ZFP14: variants seen among roughly 807,000 people sequenced by gnomAD.
The protein encoded by ZFP14 is zinc finger protein 14 homolog.
A neutral mutation model predicts 54.5 loss-of-function variants in ZFP14; 22 were observed. The ratio of observed to expected loss-of-function variants is 0.40; its 90% CI spans 0.29 to 0.58. The LOEUF (loss-of-function observed/expected upper bound fraction) is 0.58. Among genes scored for constraint, ZFP14 ranks in the 20% least tolerant of loss-of-function variants. The probability of loss-of-function intolerance (pLI) is 0.39; values close to 1 mark genes in which losing one functional copy is unlikely to be tolerated. For missense variants in ZFP14, 470 were observed against 637.8 expected, an observed-to-expected ratio of 0.74 and a Z score of 2.83; for synonymous variants, 159 against 204.0, an observed-to-expected ratio of 0.78 and a Z score of 1.88.
At chr19:36,342,583 A>C (rs990137650) in intron 4 of ZFP14, among the ~76,000 whole-genome samples, 2 of 121,728 alleles carry the variant, frequency 1.6e-5, no homozygotes, top group Non-Finnish European at 3.6e-5. Context: ...CATGTGTATT[A>C]AAATGCACAA....
At chr19:36,353,697 CAAAAAA>C (rs35323856) in intron 4 of ZFP14, among the ~76,000 whole-genome samples, 2 of 80,850 alleles carry the variant, frequency 2.5e-5, no homozygotes, top group Non-Finnish European at 4.9e-5. Context: ...GACTCCATCT[CAAAAAA>C]AAAAAAAAAA....
In ZFP14 at chr19:36,349,231, C is replaced by CAAAAAAAAAAAAA. The variant is rs1308523351; in HGVS notation, c.236-7642_236-7641insTTTTTTTTTTTTT. Among the ~76,000 whole-genome samples the CAAAAAAAAAAAAA allele has an allele frequency of 1.9e-3, 8 of 4,256 alleles. 2 individuals carry two copies. The highest frequency in any genetic ancestry group is 3.3e-3 in the Non-Finnish European group (8 of 2,446). 2.8% of individuals were successfully genotyped at this position (4,256 alleles called of 152,430 possible). A position where few individuals can be genotyped will look rare whatever the true frequency, so the allele number is the denominator to read the frequency against. On this transcript the variant is annotated intron_variant, in intron 4 of 4. Transcript: ENST00000270001. The stretch of plus-strand genomic sequence containing the variant: ...GGGCTATAAGAGGGGAACTCTGTCT[C>CAAAAAAAAAAAAA]AAAAAAAAAAACAAAAAAAAAAAAA...
chr19:36,349,680 A>AT (rs1229719873), intron 4 of ZFP14, among the ~76,000 whole-genome samples: 73 of 136,846 alleles, frequency 5.3e-4, no homozygotes, highest in Middle Eastern at 3.9e-3. Context: ...ACAAAAAAAA[A>AT]ATATATATAT....
intron 1 of ZFP14, among the ~76,000 whole-genome samples, chr19:36,374,112 A>G (rs2031922534): frequency 1.3e-5 from 2 of 152,312 alleles, no homozygotes; most frequent in South Asian, 4.1e-4. Context: ...ATTTAGAGCT[A>G]TGTGAAGCAG....
At chr19:36,345,652 A>C (rs2031401179) in intron 4 of ZFP14, among the ~76,000 whole-genome samples, 1 of 152,222 alleles carries the variant, frequency 6.6e-6, no homozygotes, top group Non-Finnish European at 1.5e-5. Context: ...TGGTGAAATG[A>C]CCCAAAGAAT....
At chr19:36,363,342 C>T (rs2031741010) in intron 2 of ZFP14, among the ~76,000 whole-genome samples, 1 of 151,806 alleles carries the variant, frequency 6.6e-6, no homozygotes, top group South Asian at 2.1e-4. Flanking sequence ...TACACGCATC[C>T]GCCACCACGC....
At chr19:36,368,427 C>T (rs746345438) in intron 1 of ZFP14, among the ~76,000 whole-genome samples, 1 of 152,142 alleles carries the variant, frequency 6.6e-6, no homozygotes, top group Non-Finnish European at 1.5e-5. Context: ...GAGATTGCGC[C>T]ATTACACTCC....
At chr19:36,345,786 G>C (rs1482190177) in intron 4 of ZFP14, among the ~76,000 whole-genome samples, 1 of 151,954 alleles carries the variant, frequency 6.6e-6, no homozygotes, top group African/African-American at 2.4e-5. Context: ...ATACATTATA[G>C]AGAACCTATG....
chr19:36,378,106 G>A lies in ZFP14; in HGVS notation c.-80+1057C>T, dbSNP rs1243381242. Reference sequence around the variant, plus strand: ...TTGGAATAGAATGGACGAGAGAGACGAGAAAAGCTCTTTCGTAAACGGTTG... The same window carrying A: ...TTGGAATAGAATGGACGAGAGAGACAAGAAAAGCTCTTTCGTAAACGGTTG... On this transcript the variant is annotated intron_variant, in intron 1 of 4. Transcript: ENST00000270001. 2.0e-5 allele frequency: 3 copies of A among 152,168 alleles called. No individual in the cohort carries two copies. In the East Asian group the frequency reaches 5.8e-4, roughly 29 times the overall value. 9.4% of individuals were successfully genotyped at this position (152,168 alleles called of 1,614,324 possible). A position where few individuals can be genotyped will look rare whatever the true frequency, so the allele number is the denominator to read the frequency against.
chr19:36,360,378 CA>C, intron 4 of ZFP14, 56 bp downstream of exon 4: 1 of 1,502,644 alleles, frequency 6.7e-7, no homozygotes, highest in Non-Finnish European at 9.1e-7. Flanking sequence ...CCACCCTAAT[CA>C]GTTTAGCTAT....
chr19:36,343,004 A>G (rs893041021), intron 4 of ZFP14, among the ~76,000 whole-genome samples: 2 of 152,226 alleles, frequency 1.3e-5, no homozygotes, highest in African/African-American at 4.8e-5. Context: ...GAAAAAGGGA[A>G]ACACAGCAAA....
rs998340843 is a variant in ZFP14, at chr19:36,339,984, G to A, written c.*240C>T. The A allele has an allele frequency of 2.7e-6, 1 of 374,130 alleles. No homozygotes were observed. The highest frequency in any genetic ancestry group is 4.7e-6 in the Non-Finnish European group (1 of 212,298). The allele number at this position is 374,130 out of a possible 1,614,324, so 23.2% of individuals were successfully genotyped here. On this transcript the variant is annotated 3_prime_UTR_variant, in exon 5 of 5. Coordinates refer to ENST00000270001, the MANE Select transcript of ZFP14 (RefSeq NM_020917.3). Reference sequence around the variant, plus strand: ...CAATAAATCAAACTGGTAATCAAGTGGAGAAAGGGAGATAATGACAGATAA... The same window carrying A: ...CAATAAATCAAACTGGTAATCAAGTAGAGAAAGGGAGATAATGACAGATAA...
At chr19:36,367,574 G>A (rs761436279) in intron 2 of ZFP14, among the ~76,000 whole-genome samples, 7 of 151,990 alleles carry the variant, frequency 4.6e-5, no homozygotes, top group East Asian at 1.9e-4. Flanking sequence ...TCTACCTCCC[G>A]GGTTCCAGCA....
chr19:36,348,797 A>T (rs1408168557), intron 4 of ZFP14, among the ~76,000 whole-genome samples: 1 of 152,148 alleles, frequency 6.6e-6, no homozygotes, highest in Admixed American at 6.6e-5. Flanking sequence ...CTGCTTTGGA[A>T]GAAGCAGCTC....
intron 1 of ZFP14, among the ~76,000 whole-genome samples, chr19:36,376,753 T>C (rs1054915693): frequency 7.9e-5 from 12 of 152,194 alleles, no homozygotes; most frequent in Non-Finnish European, 1.6e-4. Context: ...AAGCATTAGC[T>C]AAGGGTTTTG....
chr19:36,343,022 T>A (rs528735115), intron 4 of ZFP14, among the ~76,000 whole-genome samples: 137 of 152,084 alleles, frequency 9.0e-4, no homozygotes, highest in Admixed American at 1.4e-3. Context: ...AAATAAAGAG[T>A]CCAGGAGTGC....
chr19:36,365,929 C>T lies in ZFP14; in HGVS notation c.9+1955G>A, dbSNP rs137931533. Reference sequence around the variant, plus strand: ...TAGTTGGGATCATACCACCGCATTCCGGCCTGGGTGACTGAGTGAGACCTT... The same window carrying T: ...TAGTTGGGATCATACCACCGCATTCTGGCCTGGGTGACTGAGTGAGACCTT... On this transcript the variant is annotated intron_variant, in intron 2 of 4. Coordinates refer to ENST00000270001, the MANE Select transcript of ZFP14 (RefSeq NM_020917.3). Among the ~76,000 whole-genome samples the T allele has an allele frequency of 3.9e-4, 59 of 149,546 alleles. No individual in the cohort carries two copies. The Middle Eastern group carries it at 0.01, about 27-fold the overall frequency.
chr19:36,362,264 T>C, intron 2 of ZFP14, 26 bp from the exon 3 acceptor site: 1 of 1,575,140 alleles, frequency 6.3e-7, no homozygotes, highest in Non-Finnish European at 8.6e-7. Flanking sequence ...CAGGTATTAC[T>C]TGTGAAAATA....
chr19:36,377,194 G>A (rs991282874), intron 1 of ZFP14, among the ~76,000 whole-genome samples: 12 of 152,176 alleles, frequency 7.9e-5, no homozygotes, highest in South Asian at 2.1e-4. Flanking sequence ...AACTCAGGGC[G>A]GTGGGGATCA....
Sources: allele counts gnomAD v4.1 joint callset (sites outside exome capture counted in the v4.1 genomes callset), GRCh38; gene constraint gnomAD v4.1.1; transcripts MANE v1.5; gene names NCBI Gene and HGNC (gene_info 2026-07-23, HGNC 2026-07-21).